The following ZMYM4 variants were observed in gnomAD, a reference collection of about 807,000 sequenced individuals.
The protein encoded by ZMYM4 is zinc finger MYM-type containing 4.
ZMYM4 carries 31 observed loss-of-function variants against 183.2 expected under a neutral mutation model. The observed-to-expected ratio is 0.17, with a 90% CI of 0.13 to 0.23. The LOEUF is 0.23. Ranked by LOEUF, ZMYM4 falls within the 10% of genes least tolerant of loss-of-function variation. ZMYM4 has a pLI of 1.00. For synonymous variants in ZMYM4, 592 were observed against 631.2 expected, an observed-to-expected ratio of 0.94 and a Z score of 0.93; for missense variants, 1,273 against 1,840.3, an observed-to-expected ratio of 0.69 and a Z score of 5.64.
In ZMYM4 at chr1:35,389,661, A is replaced by G. The variant is rs995156327; in HGVS notation, c.2437-287A>G. ...TCCCAGCTACCTGGGAGGCTGAGGC[A>G]GGAGAATTGCATGAACCCAGGAGGT... On this transcript the variant is annotated intron_variant, in intron 14 of 29. Transcript: ENST00000314607. The surrounding 1 kb of genome is among the most constrained non-coding windows in gnomAD (Gnocchi z 4.0). Among the ~76,000 whole-genome samples the G allele has an allele frequency of 6.6e-6, 1 of 151,884 alleles. No individual in the cohort carries two copies. The highest frequency in any genetic ancestry group is 1.5e-5 in the Non-Finnish European group (1 of 67,964).
intron 2 of ZMYM4, among the ~76,000 whole-genome samples, chr1:35,347,924 TG>T (rs1220021431): frequency 2.6e-5 from 4 of 152,206 alleles, no homozygotes; most frequent in African/African-American, 9.6e-5. Flanking sequence ...CTCAGTAAGA[TG>T]ATAGTTTATT....
At position 35,359,070 on chromosome 1, in the gene ZMYM4, G is replaced by A. The variant is rs1643886070; in HGVS notation, c.231G>A (p.Gly77=). The A allele has an allele frequency of 6.2e-7, 1 of 1,613,680 alleles. No homozygotes were observed. Among genetic ancestry groups the A allele is most frequent in the Non-Finnish European group, 8.5e-7 (1 of 1,179,714 alleles). ...LDEDDYFLNS[G]DLAGIPVVGS... ...AAGATGATTATTTTTTGAACTCTGG[G>A]GATCTTGCAGGAATTCCAGTCGTTG... Residue 77 remains glycine, a synonymous_variant, in exon 3 of 30, where the codon GGG becomes GGA. Coordinates refer to ENST00000314607, the MANE Select transcript of ZMYM4 (RefSeq NM_005095.3).
chr1:35,393,137 G>C (rs2148995376), intron 17 of ZMYM4, among the ~76,000 whole-genome samples: 1 of 152,262 alleles, frequency 6.6e-6, no homozygotes, highest in East Asian at 1.9e-4. Context: ...ACTTCTGACT[G>C]GAACAGTGGC....
Position 35,413,751 on chromosome 1 carries a change from C to T in ZMYM4, c.3949-221C>T, listed in dbSNP as rs1023396296. ...TGAAAACGAAGTACAAAAACTTTAC[C>T]TTGCAAGGTCAGTGCTGAAGATAAT... On this transcript the variant is annotated intron_variant, in intron 26 of 29. Coordinates refer to ENST00000314607, the MANE Select transcript of ZMYM4 (RefSeq NM_005095.3). Among the ~76,000 whole-genome samples, 4 of 152,124 alleles carry T rather than the reference C, an allele frequency of 2.6e-5. No homozygotes were observed. The South Asian group carries it at 6.2e-4, about 24-fold the overall frequency.
intron 2 of ZMYM4, among the ~76,000 whole-genome samples, chr1:35,337,643 C>T (rs559915788): frequency 6.6e-6 from 1 of 152,038 alleles, no homozygotes; most frequent in Non-Finnish European, 1.5e-5. Flanking sequence ...GCCTTTGTAG[C>T]ATAAAAACAA....
chr1:35,337,067 C>T (rs1190856975), intron 2 of ZMYM4, among the ~76,000 whole-genome samples: 2 of 152,088 alleles, frequency 1.3e-5, no homozygotes, highest in East Asian at 1.9e-4. Context: ...GTCAATTAAA[C>T]CTCTTTCTGG....
At chr1:35,382,211 C>CGT (rs1370722734) in intron 9 of ZMYM4, among the ~76,000 whole-genome samples, 1 of 139,908 alleles carries the variant, frequency 7.1e-6, no homozygotes, top group Non-Finnish European at 1.5e-5. Flanking sequence ...CACACACACA[C>CGT]ACGTATATAT....
chr1:35,415,782 G>T, intron 28 of ZMYM4, 68 bp downstream of exon 28: 1 of 1,548,320 alleles, frequency 6.5e-7, no homozygotes, highest in Non-Finnish European at 8.7e-7. Flanking sequence ...GAGAGTTACT[G>T]CAGAAAGGTA....
intron 7 of ZMYM4, among the ~76,000 whole-genome samples, chr1:35,374,206 G>A (rs914225096): frequency 1.7e-4 from 25 of 150,990 alleles, no homozygotes; most frequent in African/African-American, 6.1e-4. Context: ...TAATTTTTTT[G>A]TATTTTTAGT....
At chr1:35,317,471 C>T (rs1266013826) in intron 1 of ZMYM4, among the ~76,000 whole-genome samples, 1 of 151,808 alleles carries the variant, frequency 6.6e-6, no homozygotes, top group Non-Finnish European at 1.5e-5. Flanking sequence ...AGATAGATAG[C>T]TTTATCACGT....
At position 35,398,461 on chromosome 1, in the gene ZMYM4, A is replaced by G; in HGVS notation, c.3248A>G (p.Glu1083Gly). The G allele has an allele frequency of 6.2e-7, 1 of 1,611,290 alleles. No individual in the cohort carries two copies. Reference protein sequence around the residue: ...HELFLDTKIFEKDQGSTYSGD... With the variant: ...HELFLDTKIFGKDQGSTYSGD... ...CTCTTTCTAGACACCAAGATATTTGAAAAAGGTTTGTAGTTGAAAATATGT... is the reference window on the plus strand; with the variant it reads ...CTCTTTCTAGACACCAAGATATTTGGAAAAGGTTTGTAGTTGAAAATATGT... The change falls in exon 21 of 30, where the codon GAA (glutamate) becomes GGA (glycine). Residue 1083 changes from glutamate (E) to glycine (G), a missense_variant. Physicochemically the swap from Glu to Gly is moderately conservative, Grantham distance 98. Transcript: ENST00000314607.
At chr1:35,346,186 A>G (rs2148871975) in intron 2 of ZMYM4, among the ~76,000 whole-genome samples, 4 of 152,244 alleles carry the variant, frequency 2.6e-5, no homozygotes, top group Middle Eastern at 6.8e-3. Flanking sequence ...CTATAGTTGG[A>G]CACTTGGGTT....
At chr1:35,377,564 T>G (rs923521099) in intron 7 of ZMYM4, among the ~76,000 whole-genome samples, 8 of 152,160 alleles carry the variant, frequency 5.3e-5, no homozygotes, top group Non-Finnish European at 8.8e-5. Context: ...CTCAATAAAG[T>G]GAGTGATATT....
In ZMYM4 at chr1:35,290,546, C is replaced by G. The variant is rs115821767; in HGVS notation, c.39+21461C>G. ...GAACTCCTGAGCTCAAGGGATCCTCCTGCCTCTCCAATAGCTAGGACTAGA... is the reference window on the plus strand; with the variant it reads ...GAACTCCTGAGCTCAAGGGATCCTCGTGCCTCTCCAATAGCTAGGACTAGA... On this transcript the variant is annotated intron_variant, in intron 1 of 29. Transcript: ENST00000314607. Among the ~76,000 whole-genome samples the G allele has an allele frequency of 3.2e-3, 494 of 152,252 alleles. 4 individuals are homozygous for G. The highest frequency in any genetic ancestry group is 0.011 in the African/African-American group (477 of 41,546).
chr1:35,370,837 C>T (rs374640483), intron 7 of ZMYM4: 1 of 493,696 alleles, frequency 2.0e-6, no homozygotes, highest in South Asian at 7.2e-5. Flanking sequence ...TTTTAGCTTT[C>T]AATAATGTTA....
At chr1:35,383,294 T>A (rs1038645150) in intron 9 of ZMYM4, among the ~76,000 whole-genome samples, 1 of 152,128 alleles carries the variant, frequency 6.6e-6, no homozygotes, top group Non-Finnish European at 1.5e-5. Context: ...ATGGGGTAAG[T>A]ACTTTTAATA....
intron 9 of ZMYM4, among the ~76,000 whole-genome samples, 184 bp downstream of exon 9, chr1:35,381,942 C>T (rs546808338): frequency 2.8e-4 from 43 of 151,904 alleles, no homozygotes; most frequent in Non-Finnish European, 3.2e-4. Context: ...GTTGGGAATT[C>T]GAGACCAGCC....
intron 9 of ZMYM4, among the ~76,000 whole-genome samples, chr1:35,381,973 C>T (rs1341229953): frequency 6.6e-6 from 1 of 151,748 alleles, no homozygotes; most frequent in Admixed American, 6.6e-5. Context: ...GGAGAAACCC[C>T]ATCTCTACTA....
At chr1:35,301,170 A>G (rs986886179) in intron 1 of ZMYM4, among the ~76,000 whole-genome samples, 2 of 152,136 alleles carry the variant, frequency 1.3e-5, no homozygotes, top group Admixed American at 1.3e-4. Context: ...TTCTTGGCAA[A>G]AGCTAATTTT....
Sources: gnomAD v4.1 joint callset for allele counts (sites outside exome capture counted in the v4.1 genomes callset) on GRCh38, gnomAD v4.1.1 for gene constraint, Gnocchi (gnomAD v3.1) non-coding constraint, MANE v1.5 for transcripts, NCBI Gene and HGNC (gene_info 2026-07-23, HGNC 2026-07-21) for gene names.